The following COL14A1 variants were observed in gnomAD, a reference collection of about 807,000 sequenced individuals.
COL14A1 encodes collagen type XIV alpha 1 chain.
Under a neutral mutation model 230.3 loss-of-function variants are expected in COL14A1, and 136 were observed. The observed-to-expected ratio is 0.59, with a 90% CI of 0.51 to 0.68. COL14A1 has a LOEUF of 0.68. Ranked by LOEUF, COL14A1 falls within the 30% of genes least tolerant of loss-of-function variation. The pLI is 0.00. For synonymous variants in COL14A1, 792 were observed against 784.1 expected, an observed-to-expected ratio of 1.01 and a Z score of -0.17; for missense variants, 1,976 against 2,215.8, an observed-to-expected ratio of 0.89 and a Z score of 2.17.
intron 36 of COL14A1, among the ~76,000 whole-genome samples, chr8:120,302,130 T>C (rs1241180151): frequency 1.3e-5 from 2 of 152,222 alleles, no homozygotes; most frequent in African/African-American, 4.8e-5. Context: ...AGAGGCTGGA[T>C]GTTAGACCTT....
intron 9 of COL14A1, among the ~76,000 whole-genome samples, chr8:120,206,564 G>A (rs1817439233): frequency 6.6e-6 from 1 of 152,220 alleles, no homozygotes; most frequent in Admixed American, 6.5e-5. Context: ...GGCCAGGCTA[G>A]TCTTGAACTC....
At chr8:120,132,935 C>T (rs549814297) in intron 1 of COL14A1, among the ~76,000 whole-genome samples, 105 of 152,110 alleles carry the variant, frequency 6.9e-4, no homozygotes, top group African/African-American at 2.4e-3. Context: ...ATAACTGTTC[C>T]GGCCGGGCGC....
At chr8:120,336,207 T>C (rs551726117) in intron 42 of COL14A1, among the ~76,000 whole-genome samples, 1 of 152,098 alleles carries the variant, frequency 6.6e-6, no homozygotes, top group Non-Finnish European at 1.5e-5. Flanking sequence ...AAGTGTGAAA[T>C]GCCTTAAGGC....
intron 1 of COL14A1, among the ~76,000 whole-genome samples, chr8:120,130,332 T>C (rs1035661333): frequency 1.3e-5 from 2 of 152,214 alleles, no homozygotes; most frequent in Non-Finnish European, 2.9e-5. Context: ...TAGGCAACAT[T>C]GGCCCACATT....
chr8:120,270,090 T>C lies in COL14A1; in HGVS notation c.3129T>C (p.Ile1043=). 1 of 1,611,602 alleles carries C rather than the reference T, an allele frequency of 6.2e-7. No homozygotes were observed. The highest frequency in any genetic ancestry group is 1.1e-5 in the South Asian group (1 of 90,972). The change falls in exon 26 of 48, where the codon ATT becomes ATC. Residue 1043 remains isoleucine, a synonymous_variant. Coordinates refer to ENST00000297848, the MANE Select transcript of COL14A1 (RefSeq NM_021110.4). ...TTATGGTGGATGGATCCTGGAGCAT[T>C]GGAGATGAAAATTTCAATAAGATCA... ...LVFMVDGSWS[I]GDENFNKIIS...
intron 20 of COL14A1, among the ~76,000 whole-genome samples, chr8:120,247,081 A>G (rs1166516249): frequency 2.0e-5 from 3 of 152,226 alleles, no homozygotes; most frequent in Non-Finnish European, 4.4e-5. Context: ...AAAGACTTCT[A>G]CATTTCAGAT....
intron 42 of COL14A1, among the ~76,000 whole-genome samples, chr8:120,336,456 C>T (rs556500124): frequency 2.3e-4 from 35 of 152,294 alleles, no homozygotes; most frequent in African/African-American, 6.7e-4. Flanking sequence ...AGTTCCATCA[C>T]GACTACTGCA....
At chr8:120,315,887 G>A (rs767610215) in intron 39 of COL14A1, 57 bp from the exon 40 acceptor site, 135 of 1,569,492 alleles carry the variant, frequency 8.6e-5, no homozygotes, top group Non-Finnish European at 1.0e-4. Context: ...GGGAAGCTGC[G>A]TGAGCAGATG....
In COL14A1 at chr8:120,125,339, A is replaced by G. The variant is rs1356584773; in HGVS notation, c.-39A>G. On this transcript the variant is annotated splice_region_variant and 5_prime_UTR_variant, in exon 1 of 48. Transcript: ENST00000297848. ...CCTGGGCTGGAACCTTGCCCAGCAC[A>G]GGTCAGTTCGTCTTTCTCTGCTCTT... 1 of 152,286 alleles carries G rather than the reference A, an allele frequency of 6.6e-6. No individual in the cohort carries two copies. The highest frequency in any genetic ancestry group is 1.5e-5 in the Non-Finnish European group (1 of 68,068). The allele number at this position is 152,286 out of a possible 1,614,324, so 9.4% of individuals were successfully genotyped here. A position where few individuals can be genotyped will look rare whatever the true frequency, so the allele number is the denominator to read the frequency against.
intron 9 of COL14A1, among the ~76,000 whole-genome samples, chr8:120,204,433 T>C (rs1817365659): frequency 6.6e-6 from 1 of 152,172 alleles, no homozygotes. Flanking sequence ...TATGTAACCT[T>C]TGGGGACTGG....
Position 120,196,960 on chromosome 8 carries a change from T to G in COL14A1, c.592+14T>G. 6.2e-7 allele frequency: 1 copy of G among 1,612,646 alleles called. No individual in the cohort carries two copies. Among genetic ancestry groups the G allele is most frequent in the Non-Finnish European group, 8.5e-7 (1 of 1,179,348 alleles). ...AGACACGAATTGGTATAATTTCTAT[T>G]ATTAGCAGTAGCAGTCAGTTGTCAG... On this transcript the variant is annotated intron_variant, in intron 6 of 47. Coordinates refer to ENST00000297848, the MANE Select transcript of COL14A1 (RefSeq NM_021110.4).
chr8:120,185,885 G>T (rs560889485), intron 5 of COL14A1, among the ~76,000 whole-genome samples: 2 of 152,208 alleles, frequency 1.3e-5, no homozygotes, highest in South Asian at 4.2e-4. Flanking sequence ...CAATTCTCCT[G>T]CCTCAGCCTT....
At chr8:120,190,551 G>A (rs1816788214) in intron 5 of COL14A1, among the ~76,000 whole-genome samples, 1 of 152,120 alleles carries the variant, frequency 6.6e-6, no homozygotes, top group African/African-American at 2.4e-5. Flanking sequence ...TAGACATGAA[G>A]TCCTTGCCCA....
intron 5 of COL14A1, among the ~76,000 whole-genome samples, chr8:120,188,569 T>C (rs1816716925): frequency 6.6e-6 from 1 of 152,234 alleles, no homozygotes; most frequent in African/African-American, 2.4e-5. Context: ...ATTATCTTTG[T>C]AATCAAGGCC....
rs923834142 is a variant in COL14A1, at chr8:120,219,163, T to C, written c.1737+2673T>C. ...AGAGACGGGGTCTCTGTTGCCTAGG[T>C]TGAAGTGCAGTAGTGTGATCGTGGC... On this transcript the variant is annotated intron_variant, in intron 14 of 47. Coordinates refer to ENST00000297848, the MANE Select transcript of COL14A1 (RefSeq NM_021110.4). Among the ~76,000 whole-genome samples the C allele has an allele frequency of 8.5e-5, 13 of 152,178 alleles. No homozygotes were observed. In the East Asian group the frequency reaches 2.5e-3, roughly 29 times the overall value.
At chr8:120,298,597 T>TTTTA (rs576663862) in intron 35 of COL14A1, among the ~76,000 whole-genome samples, 67 of 57,968 alleles carry the variant, frequency 1.2e-3, no homozygotes, top group Admixed American at 3.7e-3. Flanking sequence ...CCCATATATT[T>TTTTA]TATATATATA....
chr8:120,216,393 G>A lies in COL14A1; in HGVS notation c.1640G>A (p.Gly547Asp), dbSNP rs763398011. 4 of 1,613,586 alleles carry A rather than the reference G, an allele frequency of 2.5e-6. No homozygotes were observed. Among genetic ancestry groups the A allele is most frequent in the Admixed American group, 1.7e-5 (1 of 59,966 alleles). Residue 547 changes from glycine (G) to aspartate (D), a missense_variant, in exon 14 of 48, where the codon GGC (glycine) becomes GAC (aspartate). Coordinates refer to ENST00000297848, the MANE Select transcript of COL14A1 (RefSeq NM_021110.4). ...AGAAACCTGAGAATCTCCAATGTTG[G>A]CTCTAACAGTGCTCGATTAACCTGG... ...PPRNLRISNVGSNSARLTWDP... is the reference protein window; with the variant it reads ...PPRNLRISNVDSNSARLTWDP...
At chr8:120,292,726 G>C (rs1820409914) in intron 34 of COL14A1, among the ~76,000 whole-genome samples, 1 of 152,076 alleles carries the variant, frequency 6.6e-6, no homozygotes, top group Non-Finnish European at 1.5e-5. Context: ...TTATATAAGA[G>C]AGATTAGTAA....
At chr8:120,316,070 G>A in intron 40 of COL14A1, 73 bp downstream of exon 40, 1 of 1,494,394 alleles carries the variant, frequency 6.7e-7, no homozygotes, top group Non-Finnish European at 9.3e-7. Context: ...TTGCTGACAG[G>A]CTTCTATGTA....
Sources: gnomAD v4.1 joint callset for allele counts (sites outside exome capture counted in the v4.1 genomes callset) on GRCh38, gnomAD v4.1.1 for gene constraint, MANE v1.5 for transcripts, NCBI Gene and HGNC (gene_info 2026-07-23, HGNC 2026-07-21) for gene names.